Variants in ABCC11 observed in about 807,000 individuals in gnomAD.
The protein encoded by ABCC11 is ATP-binding cassette sub-family C member 11.
In ABCC11, 135 loss-of-function variants were observed where a neutral mutation model predicts 149.3. The ratio of observed to expected loss-of-function variants is 0.90; its 90% CI spans 0.79 to 1.04. The LOEUF (loss-of-function observed/expected upper bound fraction) is 1.04. ABCC11 is among the 50% of genes least tolerant of loss of function. The probability of loss-of-function intolerance (pLI) is 0.00; values close to 1 mark genes in which losing one functional copy is unlikely to be tolerated. For synonymous variants in ABCC11, 665 were observed against 671.4 expected, an observed-to-expected ratio of 0.99 and a Z score of 0.15; for missense variants, 1,680 against 1,722.1, an observed-to-expected ratio of 0.98 and a Z score of 0.43.
At position 48,211,118 on chromosome 16, in the gene ABCC11, T is replaced by G. The variant is rs763628247; in HGVS notation, c.1438A>C (p.Thr480Pro). The G allele has an allele frequency of 4.3e-5, 70 of 1,614,044 alleles. No individual in the cohort carries two copies. Among genetic ancestry groups the G allele is most frequent in the Non-Finnish European group, 5.8e-5 (68 of 1,180,034 alleles). The change falls in exon 11 of 30, where the codon ACC becomes CCC. Residue 480 changes from threonine (T) to proline (P), a missense_variant. Coordinates refer to ENST00000356608, the MANE Select transcript of ABCC11 (RefSeq NM_001370497.1). The part of the protein sequence containing the change: ...PSKALVFEEA[T>P]LSWQQTCPGI... ...GGACAGGTCTGTTGCCATGACAAGG[T>G]GGCCTCCTCAAAGACCAGAGCTTTG...
At chr16:48,197,066 T>C (rs1448193413) in intron 17 of ABCC11, among the ~76,000 whole-genome samples, 1 of 152,212 alleles carries the variant, frequency 6.6e-6, no homozygotes, top group Non-Finnish European at 1.5e-5. Flanking sequence ...GGCTCATGCC[T>C]ATAATCCCAG....
chr16:48,192,761 A>T (rs1462903686), intron 19 of ABCC11, 44 bp from the exon 20 acceptor site: 1 of 1,593,690 alleles, frequency 6.3e-7, no homozygotes, highest in African/African-American at 1.3e-5. Flanking sequence ...GTCCGGGGGA[A>T]ATTCAGTGGC....
rs935505934 is a variant in ABCC11 at position 48,213,473 on chromosome 16, C to T, written c.1326G>A (p.Thr442=). The T allele has an allele frequency of 5.0e-6, 8 of 1,612,368 alleles. No homozygotes were observed. Among genetic ancestry groups the T allele is most frequent in the African/African-American group, 4.0e-5 (3 of 74,998 alleles). ...FFVPIAVKGL[T]NSKSAVMRFK... ...ACCTCATCACTGCAGACTTGGAATT[C>T]GTGAGACCTTTGACTGCAATAGGCA... The change falls in exon 10 of 30, where the codon ACG becomes ACA. Residue 442 remains threonine, a synonymous_variant. Coordinates refer to ENST00000356608, the MANE Select transcript of ABCC11 (RefSeq NM_001370497.1).
At chr16:48,173,677 T>A (rs193097807) in intron 26 of ABCC11, among the ~76,000 whole-genome samples, 1 of 152,094 alleles carries the variant, frequency 6.6e-6, no homozygotes, top group East Asian at 1.9e-4. Context: ...CAGGCTGGAG[T>A]GCAGTAGCAC....
chr16:48,215,880 T>A (rs1164495639), intron 7 of ABCC11, among the ~76,000 whole-genome samples: 5 of 152,166 alleles, frequency 3.3e-5, no homozygotes, highest in Non-Finnish European at 1.5e-5. Context: ...AAGCAGATAA[T>A]CTCCCATAGA....
rs372557069 is a variant in ABCC11, at chr16:48,227,951, G to T, written c.250C>A (p.Gln84Lys). ...FRPKPRFPAP[Q>K]PLDNAGLFSY... ...AACAGGCCAGCATTGTCCAGGGGCT[G>T]GGGGGCAGGAAACCTAGTAGAGGGG... The change falls in exon 4 of 30, where the codon CAG becomes AAG. Residue 84 changes from glutamine to lysine, a missense_variant. Gln to Lys is a moderately conservative substitution (Grantham distance 53). Transcript: ENST00000356608. The T allele has an allele frequency of 6.2e-7, 1 of 1,611,674 alleles. No homozygotes were observed. Among genetic ancestry groups the T allele is most frequent in the Admixed American group, 1.7e-5 (1 of 59,794 alleles).
At chr16:48,210,892 C>A (rs1968862302) in intron 11 of ABCC11, 56 bp downstream of exon 11, 4 of 1,590,300 alleles carry the variant, frequency 2.5e-6, no homozygotes, top group South Asian at 2.2e-5. Flanking sequence ...AAGCTCCTAG[C>A]CTCAGGTCCT....
chr16:48,206,800 T>A (rs889819884), intron 12 of ABCC11, among the ~76,000 whole-genome samples: 1 of 152,188 alleles, frequency 6.6e-6, no homozygotes, highest in Non-Finnish European at 1.5e-5. Flanking sequence ...TGACCTTGGA[T>A]GAGTCACCTC....
chr16:48,167,749 C>T, intron 28 of ABCC11, 89 bp from the exon 29 acceptor site: 2 of 1,419,634 alleles, frequency 1.4e-6, no homozygotes, highest in Non-Finnish European at 1.9e-6. Context: ...TCACCAGGGC[C>T]CTTCCTCTCC....
chr16:48,239,561 CAAAAAAAA>C (rs756121627), intron 1 of ABCC11, among the ~76,000 whole-genome samples: 1 of 47,196 alleles, frequency 2.1e-5, no homozygotes, highest in Non-Finnish European at 4.6e-5. Flanking sequence ...GACTGTGTCA[CAAAAAAAA>C]AAAAAAAAAA....
intron 6 of ABCC11, among the ~76,000 whole-genome samples, chr16:48,218,989 G>A (rs1172478489): frequency 1.3e-5 from 2 of 152,152 alleles, no homozygotes; most frequent in African/African-American, 4.8e-5. Context: ...ACACAAAGAT[G>A]TAGTATCATT....
chr16:48,224,403 A>ACTT lies in ABCC11; in HGVS notation c.419_421dup (p.Glu140dup). On this transcript the variant is annotated inframe_insertion, in exon 5 of 30. Coordinates refer to ENST00000356608, the MANE Select transcript of ABCC11 (RefSeq NM_001370497.1). ...AGCTTTTTCAATCCCTCGCCTTGAG[A>ACTT]CTTCTTCTTCCCAAAGGCGGTGAAG... is the stretch of plus-strand genomic sequence containing the variant. 1 of 1,614,186 alleles carries ACTT rather than the reference A, an allele frequency of 6.2e-7. No individual in the cohort carries two copies. Among genetic ancestry groups the ACTT allele is most frequent in the Middle Eastern group, 1.6e-4 (1 of 6,062 alleles).
intron 10 of ABCC11, 148 bp from the exon 11 acceptor site, chr16:48,211,347 G>A: frequency 1.0e-6 from 1 of 978,098 alleles, no homozygotes; most frequent in Non-Finnish European, 1.5e-6. Context: ...CACCAGTTAG[G>A]AAAGGCCAGT....
In ABCC11 at chr16:48,200,473, C is replaced by T. The variant is rs1009209470; in HGVS notation, c.1885G>A (p.Glu629Lys). Residue 629 changes from glutamate to lysine, a missense_variant, in exon 15 of 30, where the codon GAG becomes AAG. Coordinates refer to ENST00000356608, the MANE Select transcript of ABCC11 (RefSeq NM_001370497.1). ...CCCCCAGAGAGGTTGAGGCCCCGCT[C>T]TCCAATCTGCAGACAGGCAGTAAAA... ...LPFGDMTEIGERGLNLSGGQK... is the reference protein window; with the variant it reads ...LPFGDMTEIGKRGLNLSGGQK... The T allele has an allele frequency of 2.5e-6, 4 of 1,613,816 alleles. No individual in the cohort carries two copies. The highest frequency in any genetic ancestry group is 2.7e-5 in the African/African-American group (2 of 74,940).
chr16:48,245,180 C>T (rs1020559982), intron 1 of ABCC11, among the ~76,000 whole-genome samples: 27 of 152,262 alleles, frequency 1.8e-4, no homozygotes, highest in African/African-American at 6.5e-4. Flanking sequence ...CTCCTTCTCC[C>T]CCTAATCCTT....
At chr16:48,185,566 T>C (rs997121941) in intron 22 of ABCC11, among the ~76,000 whole-genome samples, 1 of 152,232 alleles carries the variant, frequency 6.6e-6, no homozygotes, top group Non-Finnish European at 1.5e-5. Context: ...GGGTTTGATA[T>C]GTTAGTTGCA....
At position 48,176,325 on chromosome 16, in the gene ABCC11, A is replaced by T. The variant is rs531706424; in HGVS notation, c.3538+599T>A. Among the ~76,000 whole-genome samples the T allele has an allele frequency of 3.9e-5, 6 of 152,254 alleles. No homozygotes were observed. In the South Asian group the frequency reaches 1.0e-3, roughly 26 times the overall value. On this transcript the variant is annotated intron_variant, in intron 25 of 29. Transcript: ENST00000356608. The stretch of plus-strand genomic sequence containing the variant: ...CAAGTCTTAACAGTAGTTTTTGAAC[A>T]ATGCAAAGAGGCAGAGGGAGGGGGA...
chr16:48,200,613 T>A, intron 14 of ABCC11, 134 bp from the exon 15 acceptor site: 1 of 907,552 alleles, frequency 1.1e-6, no homozygotes, highest in Non-Finnish European at 1.6e-6. Context: ...GGATACCTGA[T>A]AATTTGGCAT....
chr16:48,175,463 C>T (rs909662308), intron 25 of ABCC11, 46 bp from the exon 26 acceptor site: 13 of 1,574,126 alleles, frequency 8.3e-6, no homozygotes, highest in Admixed American at 1.7e-5. Context: ...TGCATCTGCA[C>T]TAGCGGAAGC....
Sources: gnomAD v4.1 joint callset for allele counts (sites outside exome capture counted in the v4.1 genomes callset) on GRCh38, gnomAD v4.1.1 for gene constraint, MANE v1.5 for transcripts, NCBI Gene and HGNC (gene_info 2026-07-23, HGNC 2026-07-21) for gene names.